Variants in UPF2 observed in about 807,000 individuals in gnomAD.
The protein encoded by UPF2 is regulator of nonsense transcripts 2.
UPF2 carries 17 observed loss-of-function variants against 141.4 expected under a neutral mutation model. The observed-to-expected ratio is 0.12, with a 90% confidence interval of 0.08 to 0.18. UPF2 has a LOEUF of 0.18. Ranked by LOEUF, UPF2 falls within the 10% of genes least tolerant of loss-of-function variation. The probability of loss-of-function intolerance (pLI) is 1.00; values close to 1 mark genes in which losing one functional copy is unlikely to be tolerated. For synonymous variants in UPF2, 540 were observed against 498.0 expected, an observed-to-expected ratio of 1.08 and a Z score of -1.12; for missense variants, 1,152 against 1,515.9, an observed-to-expected ratio of 0.76 and a Z score of 3.99.
In UPF2 at chr10:11,967,436, T is replaced by C; in HGVS notation, c.1972A>G (p.Ile658Val). 2 of 1,573,330 alleles carry C rather than the reference T, an allele frequency of 1.3e-6. No homozygotes were observed. ...FRFHVRKKDQ[I>V]NIETKNKTVR... Reference sequence around the variant, plus strand: ...GTTTTATTCTTTGTTTCAATATTGATCTGGTCCTTTTTCCGTACCTAAAAA... The same window carrying C: ...GTTTTATTCTTTGTTTCAATATTGACCTGGTCCTTTTTCCGTACCTAAAAA... Residue 658 changes from isoleucine (I) to valine (V), a missense_variant, in exon 10 of 22, where the codon ATC (isoleucine) becomes GTC (valine). Coordinates refer to ENST00000357604, the MANE Select transcript of UPF2 (RefSeq NM_015542.4).
intron 8 of UPF2, among the ~76,000 whole-genome samples, chr10:11,997,108 T>A (rs927942679): frequency 6.6e-6 from 1 of 152,224 alleles, no homozygotes; most frequent in Admixed American, 6.5e-5. Flanking sequence ...TTTAATTTAA[T>A]GTAATATAAT....
At chr10:11,957,425 T>A (rs767892175) in intron 12 of UPF2, among the ~76,000 whole-genome samples, 14 of 151,594 alleles carry the variant, frequency 9.2e-5, no homozygotes, top group Middle Eastern at 3.4e-3. Flanking sequence ...CGAGACTCCA[T>A]CTCAAACAAA....
At chr10:11,997,559 CCTA>C in intron 8 of UPF2, 110 bp downstream of exon 8, 1 of 910,868 alleles carries the variant, frequency 1.1e-6, no homozygotes, top group Non-Finnish European at 1.7e-6. Context: ...ATGCTAATGA[CCTA>C]CAGAGTGAAT....
At chr10:11,963,355 C>T (rs11593822) in intron 11 of UPF2, among the ~76,000 whole-genome samples, 13 of 152,244 alleles carry the variant, frequency 8.5e-5, no homozygotes, top group South Asian at 2.1e-4. Context: ...TTCATTCATT[C>T]GAGACAGGGT....
chr10:11,922,189 G>A (rs1166078142), intron 21 of UPF2, among the ~76,000 whole-genome samples: 4 of 152,120 alleles, frequency 2.6e-5, no homozygotes, highest in South Asian at 2.1e-4. Context: ...AACCAGCCCC[G>A]CTGACTCCCT....
In UPF2 at chr10:11,920,212, T is replaced by C. The variant is rs1007617117; in HGVS notation, c.*1086A>G. On this transcript the variant is annotated 3_prime_UTR_variant, in exon 22 of 22. Transcript: ENST00000357604. Reference sequence around the variant, plus strand: ...TAGAAAAAAAGATGTAATCAAGTTGTCGCATACAGATGTGCTCTCCGACTA... The same window carrying C: ...TAGAAAAAAAGATGTAATCAAGTTGCCGCATACAGATGTGCTCTCCGACTA... 9 of 152,276 alleles carry C rather than the reference T, an allele frequency of 5.9e-5. No homozygotes were observed. Among genetic ancestry groups the C allele is most frequent in the Admixed American group, 3.3e-4 (5 of 15,290 alleles). The allele number at this position is 152,276 out of a possible 1,614,324, so 9.4% of individuals were successfully genotyped here. A position where few individuals can be genotyped will look rare whatever the true frequency, so the allele number is the denominator to read the frequency against.
At chr10:12,039,488 T>C (rs1834695585) in intron 1 of UPF2, among the ~76,000 whole-genome samples, 1 of 152,194 alleles carries the variant, frequency 6.6e-6, no homozygotes, top group Non-Finnish European at 1.5e-5. Context: ...TATTGAAGGA[T>C]ATTAATCATT....
chr10:11,938,853 G>GTTTTTTTTTTTT (rs58106776), intron 18 of UPF2, among the ~76,000 whole-genome samples: 1,065 of 79,788 alleles, frequency 0.013, 253 homozygotes, highest in Non-Finnish European at 0.018. Flanking sequence ...TTTTTTTTTT[G>GTTTTTTTTTTTT]TTTTTTTTTT....
chr10:11,976,198 C>T (rs1333205302), intron 9 of UPF2, among the ~76,000 whole-genome samples: 1 of 152,148 alleles, frequency 6.6e-6, no homozygotes, highest in African/African-American at 2.4e-5. Context: ...TGTTAACCTG[C>T]TTTATTTCTC....
chr10:11,938,854 T>TTTG (rs1832891402), intron 18 of UPF2, among the ~76,000 whole-genome samples: 1 of 38,518 alleles, frequency 2.6e-5, no homozygotes, highest in Non-Finnish European at 4.8e-5. Context: ...TTTTTTTTTG[T>TTTG]TTTTTTTTTT....
intron 3 of UPF2, among the ~76,000 whole-genome samples, chr10:12,027,522 A>G (rs922580158): frequency 6.6e-6 from 1 of 152,228 alleles, no homozygotes; most frequent in African/African-American, 2.4e-5. Flanking sequence ...AAGCACCACC[A>G]TAATCCTTTT....
Position 11,931,786 on chromosome 10 carries a change from G to A in UPF2, c.3547-4C>T. ...TGGGTACATTAAGGATCTTAAACTG[G>A]GAGAAAATAACAAAGGAGTTACAAA... is the stretch of plus-strand genomic sequence containing the variant. On this transcript the variant is annotated splice_polypyrimidine_tract_variant and splice_region_variant and intron_variant, in intron 19 of 21. Transcript: ENST00000357604. This position sits in a 1 kb window ranked among gnomAD's most constrained non-coding sequence, Gnocchi z 5.9. 6.3e-7 allele frequency: 1 copy of A among 1,585,584 alleles called. No homozygotes were observed.
intron 3 of UPF2, among the ~76,000 whole-genome samples, chr10:12,026,061 T>A (rs1254596831): frequency 6.6e-6 from 1 of 152,176 alleles, no homozygotes; most frequent in Non-Finnish European, 1.5e-5. Context: ...CCCAAAGTGC[T>A]GACATTACAG....
chr10:11,952,637 G>T lies in UPF2; in HGVS notation c.2851-388C>A, dbSNP rs866278827. On this transcript the variant is annotated intron_variant, in intron 14 of 21. Coordinates refer to ENST00000357604, the MANE Select transcript of UPF2 (RefSeq NM_015542.4). ...CTACAGGTGCATGCCACCACGCCCG[G>T]CTACTTTTTAATATTTTTAGTGGAG... 1.0e-3 allele frequency among the ~76,000 whole-genome samples: 159 copies of T among 151,938 alleles called. 1 individual carries two copies. The highest frequency in any genetic ancestry group is 3.8e-3 in the African/African-American group (156 of 41,462).
chr10:11,943,976 T>A (rs1392746996), intron 16 of UPF2, among the ~76,000 whole-genome samples: 1 of 148,194 alleles, frequency 6.7e-6, no homozygotes, highest in African/African-American at 2.5e-5. Context: ...CACCCCCGCA[T>A]GGTTCCTTAA....
At chr10:11,977,683 C>G (rs1588548526) in intron 9 of UPF2, among the ~76,000 whole-genome samples, 1 of 152,182 alleles carries the variant, frequency 6.6e-6, no homozygotes, top group East Asian at 1.9e-4. Flanking sequence ...AACATATCAA[C>G]AAGAATATCA....
At chr10:11,971,750 C>T (rs1175181810) in intron 9 of UPF2, among the ~76,000 whole-genome samples, 1 of 152,072 alleles carries the variant, frequency 6.6e-6, no homozygotes. Context: ...AATTGAATAA[C>T]AAAGTTTGTA....
chr10:12,010,768 C>T (rs1409020523), intron 4 of UPF2, among the ~76,000 whole-genome samples: 2 of 152,032 alleles, frequency 1.3e-5, no homozygotes, highest in Admixed American at 6.6e-5. Flanking sequence ...CGAAGAAAAC[C>T]ACACCAAGCT....
chr10:11,957,808 T>C (rs961040101), intron 12 of UPF2, among the ~76,000 whole-genome samples: 4 of 152,130 alleles, frequency 2.6e-5, no homozygotes, highest in Admixed American at 2.0e-4. Flanking sequence ...TGAGCCACTA[T>C]GCCAGCTAAT....
Sources: gnomAD v4.1 joint callset for allele counts (sites outside exome capture counted in the v4.1 genomes callset) on GRCh38, gnomAD v4.1.1 for gene constraint, Gnocchi (gnomAD v3.1) non-coding constraint, MANE v1.5 for transcripts, NCBI Gene and HGNC (gene_info 2026-07-23, HGNC 2026-07-21) for gene names.